Variants in SHISA6 observed in about 807,000 individuals in gnomAD.
SHISA6 encodes the protein protein shisa-6.
SHISA6 carries 22 observed loss-of-function variants against 47.9 expected under a neutral mutation model. The ratio of observed to expected loss-of-function variants is 0.46; its 90% confidence interval spans 0.33 to 0.66. SHISA6 has a LOEUF of 0.66. SHISA6 is among the 30% of genes least tolerant of loss of function. SHISA6 has a pLI of 0.02. For missense variants in SHISA6, 680 were observed against 764.6 expected (o/e 0.89, Z 1.30); for synonymous variants, 388 against 337.8 (o/e 1.15, Z -1.63).
intron 3 of SHISA6, among the ~76,000 whole-genome samples, chr17:11,522,398 G>A (rs749586249): frequency 1.4e-4 from 22 of 152,098 alleles, no homozygotes; most frequent in Non-Finnish European, 2.5e-4. Flanking sequence ...TGAGTAGCTG[G>A]GACTACAGAC....
intron 3 of SHISA6, among the ~76,000 whole-genome samples, chr17:11,423,103 G>C (rs1914494544): frequency 6.6e-6 from 1 of 151,678 alleles, no homozygotes. Flanking sequence ...TACAGGATTA[G>C]ATTTTATTTA....
At chr17:11,412,545 CTTT>C (rs34149055) in intron 3 of SHISA6, among the ~76,000 whole-genome samples, 8 of 117,158 alleles carry the variant, frequency 6.8e-5, no homozygotes, top group African/African-American at 2.2e-4. Context: ...TAGACTTCTT[CTTT>C]TTTTTTTTTC....
At chr17:11,283,313 A>G (rs900856377) in intron 2 of SHISA6, among the ~76,000 whole-genome samples, 2 of 152,212 alleles carry the variant, frequency 1.3e-5, no homozygotes, top group Non-Finnish European at 2.9e-5. Context: ...TTTCCATTTA[A>G]TAGGTGATTC....
intron 3 of SHISA6, among the ~76,000 whole-genome samples, chr17:11,494,127 G>A (rs1369911680): frequency 6.6e-6 from 1 of 152,116 alleles, no homozygotes; most frequent in East Asian, 1.9e-4. Context: ...CAGTCCATAT[G>A]CTCAGCAGGA....
intron 2 of SHISA6, among the ~76,000 whole-genome samples, chr17:11,278,728 T>C (rs1390696969): frequency 1.3e-5 from 2 of 152,258 alleles, no homozygotes; most frequent in Non-Finnish European, 2.9e-5. Flanking sequence ...TTCTGCTCTG[T>C]ATTCAAGCTT....
At chr17:11,520,204 A>C (rs995645687) in intron 3 of SHISA6, among the ~76,000 whole-genome samples, 1 of 152,140 alleles carries the variant, frequency 6.6e-6, no homozygotes, top group African/African-American at 2.4e-5. Flanking sequence ...CTCACACTTA[A>C]TGTGTTCAAA....
At chr17:11,482,367 T>G (rs1278045386) in intron 3 of SHISA6, among the ~76,000 whole-genome samples, 2 of 152,184 alleles carry the variant, frequency 1.3e-5, no homozygotes, top group Non-Finnish European at 2.9e-5. Flanking sequence ...TTATGTAAAT[T>G]CCAGAAGACG....
At chr17:11,290,351 T>C (rs80039207) in intron 2 of SHISA6, 1 of 78,078 alleles carries the variant, frequency 1.3e-5, no homozygotes, top group Non-Finnish European at 2.8e-5. Context: ...AATATTTTCT[T>C]TCTTTTTTTT....
At chr17:11,477,327 GTTT>G (rs201073940) in intron 3 of SHISA6, among the ~76,000 whole-genome samples, 6,144 of 122,830 alleles carry the variant, frequency 0.05, 143 homozygotes, top group African/African-American at 0.058. Flanking sequence ...TGTTCTTTAT[GTTT>G]TTGTTTCCAT....
At chr17:11,543,219 AT>A (rs142615583) in intron 3 of SHISA6, among the ~76,000 whole-genome samples, 3 of 152,302 alleles carry the variant, frequency 2.0e-5, no homozygotes, top group African/African-American at 7.2e-5. Context: ...TAAAGCAATA[AT>A]TTTTATACTG....
chr17:11,405,231 C>G (rs907055782), intron 3 of SHISA6, among the ~76,000 whole-genome samples: 22 of 152,096 alleles, frequency 1.4e-4, no homozygotes, highest in Admixed American at 1.4e-3. Flanking sequence ...ATTTAAATCA[C>G]CAGGGGATGT....
chr17:11,511,939 A>C (rs1358415994), intron 3 of SHISA6, among the ~76,000 whole-genome samples: 1 of 152,224 alleles, frequency 6.6e-6, no homozygotes, highest in African/African-American at 2.4e-5. Context: ...CGTGTGGTAC[A>C]AAGGGCCTTG....
At chr17:11,275,256 T>C (rs1198396867) in intron 2 of SHISA6, among the ~76,000 whole-genome samples, 5 of 151,852 alleles carry the variant, frequency 3.3e-5, no homozygotes, top group African/African-American at 1.2e-4. Flanking sequence ...GGCTCAGTTG[T>C]TCTAATGGCG....
intron 3 of SHISA6, among the ~76,000 whole-genome samples, chr17:11,520,383 G>T (rs979193548): frequency 1.3e-5 from 2 of 152,110 alleles, no homozygotes; most frequent in South Asian, 4.1e-4. Flanking sequence ...GTCCTACCTT[G>T]AAAATATGTC....
At chr17:11,351,859 A>G (rs1043916031) in intron 2 of SHISA6, among the ~76,000 whole-genome samples, 1 of 152,246 alleles carries the variant, frequency 6.6e-6, no homozygotes, top group Admixed American at 6.5e-5. Context: ...AACAATATAT[A>G]CTATAAGGAA....
chr17:11,243,437 T>C (rs943005221), intron 1 of SHISA6, among the ~76,000 whole-genome samples: 2 of 151,932 alleles, frequency 1.3e-5, no homozygotes, highest in East Asian at 3.9e-4. Context: ...AGGAGACCCT[T>C]TTATAAGGCT....
At chr17:11,437,767 T>C (rs1180529994) in intron 3 of SHISA6, among the ~76,000 whole-genome samples, 1 of 152,190 alleles carries the variant, frequency 6.6e-6, no homozygotes, top group Non-Finnish European at 1.5e-5. Flanking sequence ...TTCCATTGCA[T>C]GTGTCCCAAT....
intron 3 of SHISA6, among the ~76,000 whole-genome samples, chr17:11,548,330 G>A (rs758429717): frequency 1.3e-5 from 2 of 151,886 alleles, no homozygotes; most frequent in Non-Finnish European, 2.9e-5. Flanking sequence ...CTGTTTCAAA[G>A]CATACAAAAA....
intron 1 of SHISA6, among the ~76,000 whole-genome samples, chr17:11,254,657 G>T (rs1000057513): frequency 6.6e-6 from 1 of 152,208 alleles, no homozygotes; most frequent in African/African-American, 2.4e-5. Flanking sequence ...TTGTTAGGAT[G>T]CAATTCTAGT....
Sources: allele counts gnomAD v4.1 joint callset (sites outside exome capture counted in the v4.1 genomes callset), GRCh38; gene constraint gnomAD v4.1.1; transcripts MANE v1.5; gene names NCBI Gene and HGNC (gene_info 2026-07-23, HGNC 2026-07-21).